The following MECOM variants were observed in gnomAD, a reference collection of about 807,000 sequenced individuals.
The protein encoded by MECOM is histone-lysine N-methyltransferase MECOM.
MECOM carries 13 observed loss-of-function variants against 116.3 expected under a neutral mutation model. The observed-to-expected ratio is 0.11, with a 90% confidence interval of 0.07 to 0.18. The LOEUF (loss-of-function observed/expected upper bound fraction) is 0.18, where lower values mean the gene tolerates loss of function less well. Ranked by LOEUF, MECOM falls within the 10% of genes least tolerant of loss-of-function variation. The pLI is 1.00. For missense variants in MECOM, 1,299 were observed against 1,509.0 expected (o/e 0.86, Z 2.31); for synonymous variants, 528 against 535.2 (o/e 0.99, Z 0.19).
chr3:169,210,779 C>CCTATTATTTTGTTTCAGTTT (rs1750620033), intron 2 of MECOM, among the ~76,000 whole-genome samples: 1 of 152,098 alleles, frequency 6.6e-6, no homozygotes, highest in Non-Finnish European at 1.5e-5. Flanking sequence ...CCCTTTTCCA[C>CCTATTATTTTGTTTCAGTTT]CCAACCCTAA....
Position 169,095,087 on chromosome 3 carries a change from C to T in MECOM, c.3008G>A (p.Gly1003Glu). Residue 1003 changes from glycine to glutamate, a missense_variant, in exon 13 of 17, where the codon GGG becomes GAG. Physicochemically the swap from Gly to Glu is moderately conservative, Grantham distance 98 (BLOSUM62 -2). Coordinates refer to ENST00000651503, the MANE Select transcript of MECOM (RefSeq NM_004991.4). ...LDRHLKKHEN[G>E]NMSGTATSSP... Reference sequence around the variant, plus strand: ...AATTTATTACGTACCGGACATGTTCCCATTCTCATGTTTCTTTAGGTGTCT... The same window carrying T: ...AATTTATTACGTACCGGACATGTTCTCATTCTCATGTTTCTTTAGGTGTCT... 1 of 1,604,366 alleles carries T rather than the reference C, an allele frequency of 6.2e-7. No homozygotes were observed. The highest frequency in any genetic ancestry group is 8.5e-7 in the Non-Finnish European group (1 of 1,175,966).
intron 10 of MECOM, among the ~76,000 whole-genome samples, chr3:169,102,841 T>C (rs1724056102): frequency 6.6e-6 from 1 of 152,058 alleles, no homozygotes; most frequent in Non-Finnish European, 1.5e-5. Context: ...TTTGATTAAA[T>C]ATTAATTTTA....
intron 2 of MECOM, among the ~76,000 whole-genome samples, chr3:169,350,026 T>A (rs546285411): frequency 9.2e-5 from 14 of 152,134 alleles, no homozygotes; most frequent in Non-Finnish European, 2.1e-4. Context: ...TAGAGTCTAA[T>A]GAAGTGATAT....
intron 1 of MECOM, among the ~76,000 whole-genome samples, chr3:169,636,471 T>C (rs551667114): frequency 2.0e-4 from 31 of 152,320 alleles, no homozygotes; most frequent in African/African-American, 7.0e-4. Flanking sequence ...AGATTCACAA[T>C]TCAGTGACAA....
intron 1 of MECOM, among the ~76,000 whole-genome samples, chr3:169,524,388 C>T (rs1055215435): frequency 6.6e-6 from 1 of 152,052 alleles, no homozygotes; most frequent in African/African-American, 2.4e-5. Flanking sequence ...CTACACTAAA[C>T]AAACTTAAAA....
At chr3:169,211,560 T>C (rs1018018606) in intron 2 of MECOM, among the ~76,000 whole-genome samples, 2 of 152,192 alleles carry the variant, frequency 1.3e-5, no homozygotes, top group East Asian at 3.9e-4. Flanking sequence ...AATATGCTCT[T>C]TCACAGATTT....
At chr3:169,568,305 A>T (rs1763482530) in intron 1 of MECOM, among the ~76,000 whole-genome samples, 1 of 152,174 alleles carries the variant, frequency 6.6e-6, no homozygotes, top group Non-Finnish European at 1.5e-5. Flanking sequence ...ATTTGGGCAG[A>T]CACTGAGCTA....
At chr3:169,139,100 G>A (rs1320527195) in intron 3 of MECOM, among the ~76,000 whole-genome samples, 5 of 152,074 alleles carry the variant, frequency 3.3e-5, no homozygotes, top group Non-Finnish European at 5.9e-5. Flanking sequence ...TTAACCACAA[G>A]GGAGCTGGCA....
intron 1 of MECOM, among the ~76,000 whole-genome samples, chr3:169,615,514 A>T (rs1020138199): frequency 6.6e-6 from 1 of 152,178 alleles, no homozygotes; most frequent in African/African-American, 2.4e-5. Context: ...AAACTTGTCC[A>T]CCTTTTTCTA....
chr3:169,165,044 G>A (rs891851423), intron 2 of MECOM, among the ~76,000 whole-genome samples: 1 of 152,144 alleles, frequency 6.6e-6, no homozygotes, highest in African/African-American at 2.4e-5. Context: ...ATTGGTTTAT[G>A]AAAGTGAGTC....
intron 1 of MECOM, among the ~76,000 whole-genome samples, chr3:169,588,932 A>T (rs1424780046): frequency 6.6e-6 from 1 of 152,134 alleles, no homozygotes; most frequent in Non-Finnish European, 1.5e-5. Context: ...GTAAATTTGG[A>T]AATCTTTTAG....
intron 1 of MECOM, among the ~76,000 whole-genome samples, chr3:169,567,100 A>C (rs749968973): frequency 7.2e-5 from 11 of 152,336 alleles, no homozygotes; most frequent in Admixed American, 2.0e-4. Context: ...GATGAATTAC[A>C]CAATGTGAAT....
At chr3:169,497,496 C>A (rs1261313474) in intron 1 of MECOM, among the ~76,000 whole-genome samples, 1 of 152,106 alleles carries the variant, frequency 6.6e-6, no homozygotes, top group Non-Finnish European at 1.5e-5. Flanking sequence ...CAGGTGCCTG[C>A]CACCAGGCCC....
intron 2 of MECOM, among the ~76,000 whole-genome samples, chr3:169,276,446 G>A (rs1368139437): frequency 2.6e-5 from 4 of 151,472 alleles, no homozygotes; most frequent in South Asian, 2.1e-4. Context: ...CCACCTACTC[G>A]GGAGGCTGAG....
chr3:169,655,305 T>C (rs1775411740), intron 1 of MECOM, among the ~76,000 whole-genome samples: 1 of 152,194 alleles, frequency 6.6e-6, no homozygotes, highest in African/African-American at 2.4e-5. Flanking sequence ...CCCACCTTGC[T>C]TCACTCATTT....
At chr3:169,330,742 T>G (rs1722588283) in intron 2 of MECOM, among the ~76,000 whole-genome samples, 1 of 152,086 alleles carries the variant, frequency 6.6e-6, no homozygotes, top group Non-Finnish European at 1.5e-5. Flanking sequence ...AAATGTAATC[T>G]GTAGAAAAGA....
chr3:169,576,796 T>TACACAC lies in MECOM; in HGVS notation c.37+86534_37+86539dup, dbSNP rs373881811. Among the ~76,000 whole-genome samples the TACACAC allele has an allele frequency of 9.2e-4, 126 of 136,582 alleles. 1 individual carries two copies. Among genetic ancestry groups the TACACAC allele is most frequent in the Middle Eastern group, 7.7e-3 (2 of 260 alleles). The allele number at this position is 136,582 out of a possible 152,430, so 89.6% of individuals were successfully genotyped here. ...TTTTCCAGGATTTCACTTCCTGTTT[T>TACACAC]ACACACACACACACACACACACACA... On this transcript the variant is annotated intron_variant, in intron 1 of 16. Transcript: ENST00000651503.
At chr3:169,424,441 T>G (rs1254073691) in intron 1 of MECOM, among the ~76,000 whole-genome samples, 1 of 152,156 alleles carries the variant, frequency 6.6e-6, no homozygotes, top group African/African-American at 2.4e-5. Flanking sequence ...CCAGAACAAG[T>G]TGGCGGTCCA....
intron 1 of MECOM, among the ~76,000 whole-genome samples, chr3:169,521,255 A>G (rs1348682338): frequency 6.6e-6 from 1 of 151,694 alleles, no homozygotes; most frequent in African/African-American, 2.4e-5. Context: ...AAACTTCCCT[A>G]CTCCTTACAG....
Sources: gnomAD v4.1 joint callset for allele counts (sites outside exome capture counted in the v4.1 genomes callset) on GRCh38, gnomAD v4.1.1 for gene constraint, MANE v1.5 for transcripts, NCBI Gene and HGNC (gene_info 2026-07-23, HGNC 2026-07-21) for gene names.